The following UBN2 variants were observed in gnomAD, a reference collection of about 807,000 sequenced individuals.
UBN2 encodes ubinuclein 2.
In UBN2, 35 loss-of-function variants were observed where a neutral mutation model predicts 120.2. The observed-to-expected ratio is 0.29, with a 90% confidence interval of 0.22 to 0.39. The LOEUF (loss-of-function observed/expected upper bound fraction) is 0.39, where lower values mean the gene tolerates loss of function less well. Among genes scored for constraint, UBN2 ranks in the 10% least tolerant of loss-of-function variants. The pLI is 1.00. For missense variants in UBN2, 1,693 were observed against 1,663.2 expected (o/e 1.02, Z -0.31); for synonymous variants, 661 against 648.7 (o/e 1.02, Z -0.29).
At chr7:139,241,875 A>G (rs1009802279) in intron 2 of UBN2, among the ~76,000 whole-genome samples, 1 of 152,056 alleles carries the variant, frequency 6.6e-6, no homozygotes, top group Non-Finnish European at 1.5e-5. Flanking sequence ...GTGGGTACCT[A>G]TAATTCCAGA....
At chr7:139,246,153 T>A (rs1279788483) in intron 2 of UBN2, among the ~76,000 whole-genome samples, 1 of 152,052 alleles carries the variant, frequency 6.6e-6, no homozygotes, top group East Asian at 1.9e-4. Context: ...TCACCTGAGG[T>A]CAGGGGTTCG....
intron 2 of UBN2, among the ~76,000 whole-genome samples, chr7:139,250,530 G>A (rs750504835): frequency 1.3e-5 from 2 of 150,794 alleles, no homozygotes; most frequent in Non-Finnish European, 2.9e-5. Context: ...CACTGCGTCC[G>A]GCCCAGACCC....
Position 139,298,046 on chromosome 7 carries a change from A to G in UBN2, c.*210A>G. ...GAAATGCTTTTGTGCAAAGTTAGTG[A>G]CCTTTGGTCTCTTCTAAAGAATGAC... On this transcript the variant is annotated 3_prime_UTR_variant, in exon 18 of 18. Transcript: ENST00000473989. The G allele has an allele frequency of 1.8e-6, 1 of 548,736 alleles. No homozygotes were observed. Among genetic ancestry groups the G allele is most frequent in the African/African-American group, 1.9e-5 (1 of 53,112 alleles). The allele number at this position is 548,736 out of a possible 1,614,324, so 34.0% of individuals were successfully genotyped here. A position where few individuals can be genotyped will look rare whatever the true frequency, so the allele number is the denominator to read the frequency against.
chr7:139,256,073 T>C (rs757723059), intron 3 of UBN2, among the ~76,000 whole-genome samples: 5 of 152,218 alleles, frequency 3.3e-5, no homozygotes, highest in Non-Finnish European at 5.9e-5. Flanking sequence ...TTAAGTTCAG[T>C]GTGTTACCTC....
chr7:139,269,539 A>G lies in UBN2; in HGVS notation c.1596+16A>G, dbSNP rs772330374. On this transcript the variant is annotated intron_variant, in intron 8 of 17. Transcript: ENST00000473989. ...CAATGTCCAGGTAAGAGGAAGAACA[A>G]TAATATCTACATCTTGGGTTTCATA... The G allele has an allele frequency of 3.1e-6, 5 of 1,612,658 alleles. No homozygotes were observed. The highest frequency in any genetic ancestry group is 1.7e-5 in the Admixed American group (1 of 59,710).
intron 7 of UBN2, among the ~76,000 whole-genome samples, chr7:139,268,195 A>G (rs1797155405): frequency 2.0e-5 from 3 of 152,244 alleles, no homozygotes; most frequent in South Asian, 2.1e-4. Context: ...TCTCATGTCT[A>G]TCTTAAAACG....
chr7:139,273,364 C>T lies in UBN2; in HGVS notation c.1783C>T (p.Arg595Cys). 2.5e-6 allele frequency: 4 copies of T among 1,608,172 alleles called. No homozygotes were observed. The highest frequency in any genetic ancestry group is 1.7e-6 in the Non-Finnish European group (2 of 1,176,720). The change falls in exon 10 of 18, where the codon CGT (arginine) becomes TGT (cysteine). Residue 595 changes from arginine (R) to cysteine (C), a missense_variant. Arg to Cys is a radical substitution (Grantham distance 180, BLOSUM62 -3). Around this residue, in one of 5 missense-constraint regions of UBN2, gnomAD observed 178 missense variants for 204.0 expected, o/e 0.87. Transcript: ENST00000473989. ...GGATGATGATGAGAAACCAGGAAAA[C>T]GTGTCATAGGACCAAGAAAGAAATT... ...EEDDDEKPGK[R>C]VIGPRKKFHW...
chr7:139,301,185 G>A lies in UBN2; in HGVS notation c.*3349G>A, dbSNP rs1238659599. The stretch of plus-strand genomic sequence containing the variant: ...AATCAGGAAGGTAAGGGGAAGAACC[G>A]GGCACATATGTGTTGGAATACTGTG... On this transcript the variant is annotated 3_prime_UTR_variant, in exon 18 of 18. Coordinates refer to ENST00000473989, the MANE Select transcript of UBN2 (RefSeq NM_173569.4). 6.6e-6 allele frequency: 1 copy of A among 152,104 alleles called. No homozygotes were observed. The highest frequency in any genetic ancestry group is 2.4e-5 in the African/African-American group (1 of 41,422). The allele number at this position is 152,104 out of a possible 1,614,324, so 9.4% of individuals were successfully genotyped here. A position where few individuals can be genotyped will look rare whatever the true frequency, so the allele number is the denominator to read the frequency against.
the UBN2 span, among the ~76,000 whole-genome samples, chr7:139,325,751 T>C: frequency 1.3e-5 from 2 of 152,340 alleles, no homozygotes; most frequent in African/African-American, 4.8e-5. Flanking sequence ...GAGTAAAGAT[T>C]GGGCCCTCGG....
intron 15 of UBN2, among the ~76,000 whole-genome samples, chr7:139,286,275 G>A (rs1797783560): frequency 6.6e-6 from 1 of 152,096 alleles, no homozygotes. Flanking sequence ...TGTTGACTGG[G>A]CTGGTCTCAA....
At position 139,307,898 on chromosome 7, in the gene UBN2, A is replaced by G. The variant is rs1045881782; in HGVS notation, c.*10062A>G. On this transcript the variant is annotated 3_prime_UTR_variant, in exon 18 of 18. Coordinates refer to ENST00000473989, the MANE Select transcript of UBN2 (RefSeq NM_173569.4). ...GGTAAATTTTTTTAACCAAAAAAAA[A>G]TCACACATTTCATAAAACCCTGATG... 4.6e-5 allele frequency: 7 copies of G among 152,224 alleles called. No homozygotes were observed. The highest frequency in any genetic ancestry group is 3.3e-4 in the Admixed American group (5 of 15,278). The allele number at this position is 152,224 out of a possible 1,614,324, so 9.4% of individuals were successfully genotyped here.
intron 2 of UBN2, among the ~76,000 whole-genome samples, chr7:139,242,884 A>G (rs1796360295): frequency 6.6e-6 from 1 of 152,204 alleles, no homozygotes; most frequent in African/African-American, 2.4e-5. Context: ...GGTTGAAGAA[A>G]TGGGCACAGA....
At chr7:139,266,245 A>T in intron 6 of UBN2, 88 bp from the exon 7 acceptor site, 4 of 794,934 alleles carry the variant, frequency 5.0e-6, no homozygotes, top group Non-Finnish European at 7.9e-6. Flanking sequence ...AAAAAAAAAA[A>T]GAAAAAAACC....
intron 13 of UBN2, among the ~76,000 whole-genome samples, chr7:139,280,186 A>T (rs1490535582): frequency 6.6e-6 from 1 of 152,190 alleles, no homozygotes; most frequent in African/African-American, 2.4e-5. Context: ...TGAAATACAG[A>T]ATACATGAGA....
the UBN2 span, among the ~76,000 whole-genome samples, chr7:139,316,101 AAAAAAAGGG>A: frequency 7.2e-6 from 1 of 139,820 alleles, no homozygotes; most frequent in Admixed American, 6.9e-5. Flanking sequence ...AAAAAAAAAA[AAAAAAAGGG>A]GTTCCAGTTC....
chr7:139,311,394 T>G (rs560588543), downstream of UBN2, among the ~76,000 whole-genome samples: 2 of 152,344 alleles, frequency 1.3e-5, no homozygotes, highest in Non-Finnish European at 2.9e-5. Context: ...CCCATCATCT[T>G]TTCTAGTAGG....
chr7:139,323,553 C>CTGA, the UBN2 span, among the ~76,000 whole-genome samples: 5 of 139,110 alleles, frequency 3.6e-5, no homozygotes, highest in African/African-American at 8.1e-5. Flanking sequence ...GCTTCTGGAC[C>CTGA]TGATTATTAT....
chr7:139,297,822 C>T lies in UBN2; in HGVS notation c.4030C>T (p.Arg1344Trp), dbSNP rs961144676. 15 of 1,613,942 alleles carry T rather than the reference C, an allele frequency of 9.3e-6. No homozygotes were observed. Among genetic ancestry groups the T allele is most frequent in the Admixed American group, 1.7e-5 (1 of 59,996 alleles). Reference sequence around the variant, plus strand: ...AAGTAAAGGGGACACTAAATTACCACGGAAATCTCAGTGACTGCCCAGCAA... The same window carrying T: ...AAGTAAAGGGGACACTAAATTACCATGGAAATCTCAGTGACTGCCCAGCAA... ...GQSKGDTKLP[R>W]KSQ Residue 1344 changes from arginine to tryptophan, a missense_variant, in exon 18 of 18, where the codon CGG becomes TGG. Arg to Trp is a moderately radical substitution (Grantham distance 101, BLOSUM62 -3). This residue lies in a region of UBN2 where 837 missense variants were observed against 817.6 expected (regional missense o/e 1.02). Transcript: ENST00000473989.
At chr7:139,310,985 A>G (rs552874777), downstream of UBN2, among the ~76,000 whole-genome samples, 5 of 152,302 alleles carry the variant, frequency 3.3e-5, no homozygotes, top group South Asian at 8.3e-4. Flanking sequence ...TGCCATCTGT[A>G]TATATTGCAA....
Sources: allele counts gnomAD v4.1 joint callset (sites outside exome capture counted in the v4.1 genomes callset), GRCh38; gene constraint gnomAD v4.1.1; regional missense constraint gnomAD v4.1.1; transcripts MANE v1.5; gene names NCBI Gene and HGNC (gene_info 2026-07-23, HGNC 2026-07-21).